Variants in PWWP2A observed in about 807,000 individuals in gnomAD.
PWWP2A encodes the protein PWWP domain-containing protein 2A.
In PWWP2A, 18 loss-of-function variants were observed where a neutral mutation model predicts 48.5. The ratio of observed to expected loss-of-function variants is 0.37; its 90% CI spans 0.26 to 0.55. The LOEUF is 0.55. Among genes scored for constraint, PWWP2A ranks in the 20% least tolerant of loss-of-function variants. PWWP2A has a pLI of 0.81. For synonymous variants in PWWP2A, 396 were observed against 387.7 expected (o/e 1.02, Z -0.25); for missense variants, 867 against 976.4 (o/e 0.89, Z 1.49).
Position 160,118,876 on chromosome 5 carries a change from C to A in PWWP2A, c.513G>T (p.Glu171Asp). The A allele has an allele frequency of 6.3e-7, 1 of 1,597,154 alleles. No homozygotes were observed. The highest frequency in any genetic ancestry group is 1.4e-5 in the African/African-American group (1 of 72,912). Reference protein sequence around the residue: ...EVRVTLDHIIEDALVVSFRFG... With the variant: ...EVRVTLDHIIDDALVVSFRFG... ...AGCGGAACGACACGACAAGCGCGTC[C>A]TCAATGATGTGGTCCAGCGTGACCC... The change falls in exon 1 of 2, where the codon GAG becomes GAT. Residue 171 changes from glutamate (E) to aspartate (D), a missense_variant. Physicochemically the swap from Glu to Asp is conservative, Grantham distance 45. This residue lies in a region of PWWP2A where 385 missense variants were observed against 396.9 expected (regional missense o/e 0.97). Coordinates refer to ENST00000307063, the MANE Select transcript of PWWP2A (RefSeq NM_001130864.2).
chr5:160,075,775 A>G (rs1753856354), downstream of PWWP2A: 1 of 148,068 alleles, frequency 6.8e-6, no homozygotes, highest in South Asian at 2.2e-4. Context: ...ACAGCTCCCT[A>G]AAGTACAACT....
intron 2 of PWWP2A, chr5:160,080,855 T>C: frequency 7.9e-7 from 1 of 1,258,244 alleles, no homozygotes; most frequent in Non-Finnish European, 1.1e-6. Context: ...AGTTTTAAAA[T>C]AAGACCAAAA....
chr5:160,114,832 C>CA (rs1360924714), intron 1 of PWWP2A, among the ~76,000 whole-genome samples: 1 of 147,822 alleles, frequency 6.8e-6, no homozygotes, highest in Non-Finnish European at 1.5e-5. Flanking sequence ...CCCATCTCTA[C>CA]AAAAAATTTT....
downstream of PWWP2A, among the ~76,000 whole-genome samples, chr5:160,073,004 C>CAAAAAAAAAAAAAAAA (rs35836307): frequency 5.1e-5 from 3 of 58,858 alleles, no homozygotes; most frequent in African/African-American, 2.2e-4. Flanking sequence ...GGCTCCGTCT[C>CAAAAAAAAAAAAAAAA]AAAAAAAAAA....
intron 1 of PWWP2A, among the ~76,000 whole-genome samples, chr5:160,104,560 T>C (rs1261366685): frequency 1.3e-5 from 2 of 151,654 alleles, no homozygotes; most frequent in Non-Finnish European, 2.9e-5. Context: ...CCTAGCACTT[T>C]GGGAGGCTCA....
chr5:160,102,452 A>G (rs147663014), intron 1 of PWWP2A, among the ~76,000 whole-genome samples: 1 of 151,908 alleles, frequency 6.6e-6, no homozygotes, highest in East Asian at 1.9e-4. Flanking sequence ...CAAGCCTATA[A>G]TACTAGCTAA....
chr5:160,051,632 A>T, the PWWP2A span, among the ~76,000 whole-genome samples: 1 of 152,216 alleles, frequency 6.6e-6, no homozygotes, highest in Non-Finnish European at 1.5e-5. Flanking sequence ...TTGAGAACAC[A>T]CGAGAGGGCA....
At chr5:160,094,213 T>C in intron 1 of PWWP2A, 148 bp from the exon 2 acceptor site, 1 of 1,061,390 alleles carries the variant, frequency 9.4e-7, no homozygotes, top group Non-Finnish European at 1.3e-6. Context: ...AAATCTACTA[T>C]CTCTTCCCCC....
the PWWP2A span, among the ~76,000 whole-genome samples, chr5:160,050,818 A>C: frequency 2.0e-5 from 3 of 151,712 alleles, no homozygotes; most frequent in Admixed American, 6.6e-5. Flanking sequence ...TAGAGACAGC[A>C]TTTTGCCATG....
chr5:160,062,810 T>A (rs1753462636), intron 5 of PWWP2A, among the ~76,000 whole-genome samples: 1 of 152,112 alleles, frequency 6.6e-6, no homozygotes, highest in Non-Finnish European at 1.5e-5. Flanking sequence ...TTTGATGGTT[T>A]TTTTTTTCCC....
intron 1 of PWWP2A, among the ~76,000 whole-genome samples, chr5:160,094,869 A>G (rs1210210153): frequency 6.6e-6 from 1 of 151,742 alleles, no homozygotes; most frequent in Non-Finnish European, 1.5e-5. Flanking sequence ...AACACGGTGA[A>G]ACCCCGTCTC....
At position 160,119,079 on chromosome 5, in the gene PWWP2A, C is replaced by T; in HGVS notation, c.310G>A (p.Ala104Thr). Residue 104 changes from alanine (A) to threonine (T), a missense_variant, in exon 1 of 2, where the codon GCA becomes ACA. By Grantham distance (58) the Ala-to-Thr change is moderately conservative (BLOSUM62 0). Transcript: ENST00000307063. ...TCCGGCCCTCCCTGAGGCGCGGCTG[C>T]CGCCGACTCCGCCACCCGAACGGAC... ...KLSVRVAESA[A>T]AAPQGGPELP... 1 of 1,588,108 alleles carries T rather than the reference C, an allele frequency of 6.3e-7. No individual in the cohort carries two copies. Among genetic ancestry groups the T allele is most frequent in the Non-Finnish European group, 8.5e-7 (1 of 1,175,922 alleles).
At chr5:160,045,520 A>ACACACACACTCTCTCTCT in the PWWP2A span, among the ~76,000 whole-genome samples, 1 of 54,880 alleles carries the variant, frequency 1.8e-5, no homozygotes, top group East Asian at 6.2e-4. Context: ...ACACATACAC[A>ACACACACACTCTCTCTCT]CTCTCTCTCT....
chr5:160,068,268 G>A lies in PWWP2A; in HGVS notation c.*80-1397C>T, dbSNP rs1024834079. 4.6e-5 allele frequency among the ~76,000 whole-genome samples: 7 copies of A among 152,262 alleles called. No homozygotes were observed. The East Asian group carries it at 9.6e-4, about 21-fold the overall frequency. On this transcript the variant is annotated intron_variant and NMD_transcript_variant, in intron 2 of 5. Coordinates refer to the PWWP2A transcript ENST00000524050. Reference sequence around the variant, plus strand: ...ACTTTTAAGGTAATCATACTGTGACGTTGTACATATTCTTATTCCGACAAT... The same window carrying A: ...ACTTTTAAGGTAATCATACTGTGACATTGTACATATTCTTATTCCGACAAT...
chr5:160,050,843 C>T, the PWWP2A span, among the ~76,000 whole-genome samples: 1 of 151,972 alleles, frequency 6.6e-6, no homozygotes, highest in Non-Finnish European at 1.5e-5. Flanking sequence ...CCAAGGTGGT[C>T]TCAAACTCCT....
At chr5:160,053,060 C>T in the PWWP2A span, among the ~76,000 whole-genome samples, 100 of 152,298 alleles carry the variant, frequency 6.6e-4, no homozygotes, top group Middle Eastern at 6.8e-3. Flanking sequence ...AGAAATCACT[C>T]TTTACATGGA....
At position 160,085,505 on chromosome 5, in the gene PWWP2A, C is replaced by CTTT. The variant is rs5872628; in HGVS notation, c.1550-4738_1550-4736dup. 1.8e-3 allele frequency among the ~76,000 whole-genome samples: 193 copies of CTTT among 109,812 alleles called. 2 individuals carry two copies. Among genetic ancestry groups the CTTT allele is most frequent in the African/African-American group, 6.1e-3 (181 of 29,614 alleles). The allele number at this position is 109,812 out of a possible 152,430, so 72.0% of individuals were successfully genotyped here. Reference sequence around the variant, plus strand: ...AGTATAAGCAAGTAACTGTCACATTCTTTTTTTTTTTTTTTTTTTGAGATG... The same window carrying CTTT: ...AGTATAAGCAAGTAACTGTCACATTCTTTTTTTTTTTTTTTTTTTTTTGAGATG... On this transcript the variant is annotated intron_variant, in intron 2 of 3. Transcript: ENST00000456329.
At chr5:160,084,417 C>G (rs148881178) in intron 2 of PWWP2A, among the ~76,000 whole-genome samples, 2 of 152,182 alleles carry the variant, frequency 1.3e-5, no homozygotes, top group East Asian at 3.9e-4. Context: ...CTATTAAGCA[C>G]TACTGTTGCA....
chr5:160,097,706 TGGGGGGGGGGGCGGTTG>T (rs1755821431), intron 1 of PWWP2A, among the ~76,000 whole-genome samples: 2 of 107,954 alleles, frequency 1.9e-5, no homozygotes, highest in Non-Finnish European at 1.8e-5. Flanking sequence ...GTTTTTTTTT[TGGGGGGGGGGGCGGTTG>T]TTTTGTTTTT....
Sources: gnomAD v4.1 joint callset for allele counts (sites outside exome capture counted in the v4.1 genomes callset) on GRCh38, gnomAD v4.1.1 for gene constraint, gnomAD v4.1.1 regional missense constraint, MANE v1.5 for transcripts, NCBI Gene and HGNC (gene_info 2026-07-23, HGNC 2026-07-21) for gene names.